H3-7: variants seen among roughly 807,000 people sequenced by gnomAD.
H3-7 encodes the protein histone H3-7.
the H3-7 span, among the ~76,000 whole-genome samples, chr1:143,903,792 G>A: frequency 9.3e-6 from 1 of 107,966 alleles, no homozygotes; most frequent in African/African-American, 3.4e-5. Flanking sequence ...GAAATAGTAA[G>A]AGGTTGGACC....
chr1:143,904,324 C>T, the H3-7 span: 4 of 1,582,424 alleles, frequency 2.5e-6, no homozygotes, highest in African/African-American at 5.4e-5. Flanking sequence ...GTCTGGATCT[C>T]GCGGGACGTG....
the H3-7 span, chr1:143,904,078 C>A: frequency 1.5e-6 from 1 of 660,994 alleles, no homozygotes; most frequent in Non-Finnish European, 2.6e-6. Flanking sequence ...CCGAATGCAT[C>A]CGTGACCATG....
At chr1:143,904,007 A>G in the H3-7 span, among the ~76,000 whole-genome samples, 7 of 145,048 alleles carry the variant, frequency 4.8e-5, no homozygotes, top group Non-Finnish European at 7.7e-5. Context: ...CAGTAAGACT[A>G]GACGGGGATG....
At chr1:143,904,116 A>G in the H3-7 span, 1 of 891,756 alleles carries the variant, frequency 1.1e-6, no homozygotes, top group African/African-American at 1.7e-5. Context: ...ACCAAAAGCT[A>G]TCAAACGCTC....
the H3-7 span, chr1:143,904,439 G>T: frequency 6.3e-7 from 1 of 1,584,348 alleles, no homozygotes; most frequent in African/African-American, 1.3e-5. Flanking sequence ...TCTTGGACGA[G>T]ATGCCGGTGT....
chr1:143,902,906 C>T, the H3-7 span, among the ~76,000 whole-genome samples: 19 of 143,966 alleles, frequency 1.3e-4, 1 homozygote, highest in Non-Finnish European at 2.3e-4. Flanking sequence ...GTTTAACAAG[C>T]GCAAGGCCGG....
At chr1:143,904,395 A>G in the H3-7 span, 23 of 1,582,748 alleles carry the variant, frequency 1.5e-5, 2 homozygotes, top group Non-Finnish European at 2.0e-5. Context: ...GCGCTCGAAG[A>G]TGTCGTTGAC....
chr1:143,904,884 T>G, the H3-7 span, among the ~76,000 whole-genome samples: 1 of 143,378 alleles, frequency 7.0e-6, no homozygotes, highest in Non-Finnish European at 1.5e-5. Flanking sequence ...GAAGCGATAG[T>G]TTCAACGGCT....
At chr1:143,904,493 G>A in the H3-7 span, 1 of 1,603,994 alleles carries the variant, frequency 6.2e-7, no homozygotes, top group African/African-American at 1.3e-5. Context: ...AAACGGAGTA[G>A]CTCTCCTTGC....
chr1:143,905,274 CAA>C, the H3-7 span, among the ~76,000 whole-genome samples: 1 of 129,006 alleles, frequency 7.8e-6, no homozygotes, highest in African/African-American at 2.8e-5. Context: ...TGCCCCCATG[CAA>C]AACTTTACCC....
chr1:143,905,840 G>C, the H3-7 span: 16 of 1,581,864 alleles, frequency 1.0e-5, no homozygotes, highest in Admixed American at 2.4e-4. Flanking sequence ...GTGCCGGGCC[G>C]GTAGCGGTGC....
At chr1:143,905,974 C>G in the H3-7 span, 2 of 1,578,698 alleles carry the variant, frequency 1.3e-6, no homozygotes, top group South Asian at 2.3e-5. Context: ...CATGCTGTCT[C>G]ATTGATACGA....
chr1:143,902,462 C>T, the H3-7 span, among the ~76,000 whole-genome samples: 5 of 143,556 alleles, frequency 3.5e-5, 1 homozygote, highest in Non-Finnish European at 6.2e-5. Flanking sequence ...ATTTTAAGCA[C>T]AAAGTTGTTA....
the H3-7 span, chr1:143,905,397 G>A: frequency 3.3e-6 from 2 of 605,832 alleles, no homozygotes; most frequent in Non-Finnish European, 2.9e-6. Context: ...CTCACGGCTG[G>A]GCTTTGGGTT....
chr1:143,902,516 T>A, the H3-7 span, among the ~76,000 whole-genome samples: 1 of 139,854 alleles, frequency 7.2e-6, no homozygotes, highest in East Asian at 2.1e-4. Flanking sequence ...TCAAAGGCTG[T>A]CAAGTTAATT....
the H3-7 span, among the ~76,000 whole-genome samples, chr1:143,905,016 A>AT: frequency 1.6e-5 from 2 of 123,724 alleles, no homozygotes; most frequent in Non-Finnish European, 3.5e-5. Context: ...CTTTGTGGAA[A>AT]TTTTTTTCTC....
At chr1:143,905,536 C>G in the H3-7 span, 3 of 1,529,712 alleles carry the variant, frequency 2.0e-6, no homozygotes, top group Non-Finnish European at 2.7e-6. Flanking sequence ...GCCTTTAGAT[C>G]GACCACTTAA....
the H3-7 span, chr1:143,904,496 C>T: frequency 1.0e-5 from 16 of 1,604,444 alleles, no homozygotes; most frequent in African/African-American, 1.3e-5. Flanking sequence ...CGGAGTAGCT[C>T]TCCTTGCGGC....
chr1:143,904,590 G>A, the H3-7 span: 13 of 1,591,504 alleles, frequency 8.2e-6, no homozygotes, highest in Admixed American at 1.7e-5. Context: ...AGCGGATTTC[G>A]CTGGATCCGG....
Sources: gnomAD v4.1 joint callset for allele counts (sites outside exome capture counted in the v4.1 genomes callset) on GRCh38, gnomAD v4.1.1 for gene constraint, MANE v1.5 for transcripts, NCBI Gene and HGNC (gene_info 2026-07-23, HGNC 2026-07-21) for gene names.